The following NKAIN2 variants were observed in gnomAD, a reference collection of about 807,000 sequenced individuals.
The protein encoded by NKAIN2 is sodium/potassium-transporting ATPase subunit beta-1-interacting protein 2.
In NKAIN2, 14 loss-of-function variants were observed where a neutral mutation model predicts 32.6. The observed-to-expected ratio is 0.43, with a 90% CI of 0.28 to 0.67. The LOEUF is 0.67. NKAIN2 is among the 30% of genes least tolerant of loss of function. NKAIN2 has a pLI of 0.17. For synonymous variants in NKAIN2, 80 were observed against 87.2 expected (o/e 0.92, Z 0.46); for missense variants, 198 against 258.3 (o/e 0.77, Z 1.60).
At position 124,730,147 on chromosome 6, in the gene NKAIN2, C is replaced by T. The variant is rs1776582608; in HGVS notation, c.475-61192C>T. ...TGGCCATACTTCCCAAGGTAATTTA[C>T]AGATTCAATGCCATCCCCATCAAGC... is the stretch of plus-strand genomic sequence containing the variant. On this transcript the variant is annotated intron_variant, in intron 4 of 6. Coordinates refer to ENST00000368417, the MANE Select transcript of NKAIN2 (RefSeq NM_001040214.3). Among the ~76,000 whole-genome samples, 2 of 91,282 alleles carry T rather than the reference C, an allele frequency of 2.2e-5. 1 individual carries two copies. The highest frequency in any genetic ancestry group is 8.6e-5 in the African/African-American group (2 of 23,266). The allele number at this position is 91,282 out of a possible 152,430, so 59.9% of individuals were successfully genotyped here. A position where few individuals can be genotyped will look rare whatever the true frequency, so the allele number is the denominator to read the frequency against.
At chr6:124,448,463 T>C (rs1775980062) in intron 3 of NKAIN2, among the ~76,000 whole-genome samples, 1 of 152,166 alleles carries the variant, frequency 6.6e-6, no homozygotes, top group Admixed American at 6.6e-5. Flanking sequence ...TGGAAGCAGC[T>C]TCCTGCTTCT....
chr6:124,028,887 GTATATATATATATATA>G (rs1781265898), intron 1 of NKAIN2, among the ~76,000 whole-genome samples: 1 of 44,716 alleles, frequency 2.2e-5, no homozygotes, highest in Non-Finnish European at 7.0e-5. Context: ...ATATATATGT[GTATATATATATATATA>G]CACATATATG....
At chr6:123,978,689 G>A (rs1425446243) in intron 1 of NKAIN2, among the ~76,000 whole-genome samples, 1 of 152,136 alleles carries the variant, frequency 6.6e-6, no homozygotes, top group Non-Finnish European at 1.5e-5. Context: ...TTGTGTGTGT[G>A]TGTGTATGGG....
chr6:124,660,429 A>C (rs1388035727), intron 4 of NKAIN2, among the ~76,000 whole-genome samples: 1 of 152,218 alleles, frequency 6.6e-6, no homozygotes, highest in East Asian at 1.9e-4. Flanking sequence ...GCATATGTTG[A>C]AGTTGACATA....
intron 3 of NKAIN2, among the ~76,000 whole-genome samples, chr6:124,520,617 A>T (rs1779084938): frequency 6.6e-6 from 1 of 152,336 alleles, no homozygotes; most frequent in African/African-American, 2.4e-5. Flanking sequence ...AAAAGGAAAC[A>T]TGCCAAAGAA....
intron 3 of NKAIN2, among the ~76,000 whole-genome samples, chr6:124,507,710 G>A (rs1396090401): frequency 6.6e-6 from 1 of 152,100 alleles, no homozygotes; most frequent in Non-Finnish European, 1.5e-5. Flanking sequence ...CTGCCATTCT[G>A]TTATGTGCTG....
intron 1 of NKAIN2, among the ~76,000 whole-genome samples, chr6:123,949,394 G>A (rs1562273359): frequency 6.6e-6 from 1 of 151,896 alleles, no homozygotes. Flanking sequence ...CTTTGGGCAG[G>A]ATGGTCATTT....
At chr6:124,467,439 T>G (rs1290618128) in intron 3 of NKAIN2, among the ~76,000 whole-genome samples, 1 of 152,130 alleles carries the variant, frequency 6.6e-6, no homozygotes, top group Non-Finnish European at 1.5e-5. Flanking sequence ...AGAAAAGACT[T>G]CACTACAGTT....
At chr6:124,760,223 G>T in intron 4 of NKAIN2, among the ~76,000 whole-genome samples, 1 of 151,992 alleles carries the variant, frequency 6.6e-6, no homozygotes. Flanking sequence ...ATACAAAGAA[G>T]GGAACAATAG....
At chr6:124,613,556 T>C (rs1782772168) in intron 3 of NKAIN2, among the ~76,000 whole-genome samples, 2 of 152,184 alleles carry the variant, frequency 1.3e-5, no homozygotes, top group Non-Finnish European at 2.9e-5. Flanking sequence ...AATAAATACA[T>C]GCCCTAGTCT....
intron 1 of NKAIN2, among the ~76,000 whole-genome samples, chr6:124,057,434 T>A (rs1310092223): frequency 6.6e-6 from 1 of 152,092 alleles, no homozygotes; most frequent in Non-Finnish European, 1.5e-5. Flanking sequence ...GTAGTGTATA[T>A]CAGCAATCAA....
At chr6:124,576,134 G>A (rs1781325001) in intron 3 of NKAIN2, among the ~76,000 whole-genome samples, 1 of 152,132 alleles carries the variant, frequency 6.6e-6, no homozygotes, top group South Asian at 2.1e-4. Flanking sequence ...AACCCCTAAT[G>A]ATACACATTT....
At chr6:124,718,184 A>T (rs972834890) in intron 4 of NKAIN2, among the ~76,000 whole-genome samples, 1 of 152,170 alleles carries the variant, frequency 6.6e-6, no homozygotes, top group East Asian at 1.9e-4. Context: ...TAAGTTTAGA[A>T]CATTTTTATT....
rs148236954 is a variant in NKAIN2, at chr6:124,485,353, A to G, written c.273+130006A>G. 2.7e-3 allele frequency among the ~76,000 whole-genome samples: 405 copies of G among 152,132 alleles called. 1 individual carries two copies. The highest frequency in any genetic ancestry group is 7.0e-3 in the Admixed American group (107 of 15,272). On this transcript the variant is annotated intron_variant, in intron 3 of 6. Coordinates refer to ENST00000368417, the MANE Select transcript of NKAIN2 (RefSeq NM_001040214.3). ...TCACACTCCACTCCCCATTACACCA[A>G]CAAATGATAAGTAGTTAATGAAAGC... is the stretch of plus-strand genomic sequence containing the variant.
At chr6:124,309,005 C>T (rs1000938873) in intron 2 of NKAIN2, among the ~76,000 whole-genome samples, 1 of 152,048 alleles carries the variant, frequency 6.6e-6, no homozygotes, top group Non-Finnish European at 1.5e-5. Context: ...ATAAAAGAGA[C>T]TACAGAAACA....
chr6:123,994,703 G>GT (rs199674033), intron 1 of NKAIN2, among the ~76,000 whole-genome samples: 2,545 of 152,042 alleles, frequency 0.017, 76 homozygotes, highest in African/African-American at 0.058. Context: ...TAAACAGCAA[G>GT]GTTTTTTTAA....
chr6:123,987,666 T>C (rs975782277), intron 1 of NKAIN2, among the ~76,000 whole-genome samples: 1 of 152,174 alleles, frequency 6.6e-6, no homozygotes, highest in African/African-American at 2.4e-5. Flanking sequence ...TGGCTGTTAG[T>C]TGGAGCTGAT....
intron 1 of NKAIN2, among the ~76,000 whole-genome samples, chr6:124,217,850 C>T (rs1167027050): frequency 2.6e-5 from 4 of 151,950 alleles, no homozygotes; most frequent in Admixed American, 1.3e-4. Flanking sequence ...GATATATACA[C>T]ACACAAAGCT....
intron 3 of NKAIN2, among the ~76,000 whole-genome samples, chr6:124,560,177 C>A (rs761388735): frequency 3.9e-5 from 6 of 152,038 alleles, no homozygotes; most frequent in Non-Finnish European, 7.4e-5. Context: ...CATGGAGGAA[C>A]CAGGTGGGAG....
Sources: allele counts gnomAD v4.1 joint callset (sites outside exome capture counted in the v4.1 genomes callset), GRCh38; gene constraint gnomAD v4.1.1; transcripts MANE v1.5; gene names NCBI Gene and HGNC (gene_info 2026-07-23, HGNC 2026-07-21).